The following DCX variants were observed in gnomAD, a reference collection of about 807,000 sequenced individuals.
DCX encodes neuronal migration protein doublecortin.
DCX carries 4 observed loss-of-function variants against 20.9 expected under a neutral mutation model. The observed-to-expected ratio is 0.19, with a 90% CI of 0.09 to 0.44. The LOEUF (loss-of-function observed/expected upper bound fraction) is 0.44, where lower values mean the gene tolerates loss of function less well. Among genes scored for constraint, DCX ranks in the 20% least tolerant of loss-of-function variants. DCX has a pLI of 0.99. For missense variants in DCX, 133 were observed against 296.9 expected (o/e 0.45, Z 4.06); for synonymous variants, 103 against 111.4 (o/e 0.92, Z 0.47).
chrX:111,388,166 A>C (rs1926665590), intron 3 of DCX, among the ~76,000 whole-genome samples: 1 of 111,772 alleles, frequency 8.9e-6, no homozygotes, highest in East Asian at 2.8e-4. Flanking sequence ...CTAACCTCTT[A>C]CAACTTTGGG....
At chrX:111,394,177 C>G (rs1179563851) in intron 3 of DCX, among the ~76,000 whole-genome samples, 1 of 111,593 alleles carries the variant, frequency 9.0e-6, no homozygotes, top group Non-Finnish European at 1.9e-5. Context: ...AATGAAGTAC[C>G]AATATATGCT....
At chrX:111,367,585 C>T (rs1001855047) in intron 3 of DCX, among the ~76,000 whole-genome samples, 1 of 111,721 alleles carries the variant, frequency 9.0e-6, no homozygotes, top group South Asian at 3.8e-4. Context: ...TAACTGAATG[C>T]CTATCCCCTT....
intron 5 of DCX, among the ~76,000 whole-genome samples, chrX:111,314,270 A>G (rs2147598311): frequency 8.9e-6 from 1 of 112,196 alleles, no homozygotes; most frequent in East Asian, 2.8e-4. Flanking sequence ...GCCAGTAGCT[A>G]TGGAGCTCTA....
chrX:111,316,255 C>T (rs770959576), intron 5 of DCX, among the ~76,000 whole-genome samples: 12 of 110,214 alleles, frequency 1.1e-4, no homozygotes, highest in South Asian at 7.9e-4. Context: ...TTTTTTGAGA[C>T]GGAGTCTTGC....
rs886112954 is a variant in DCX, at chrX:111,358,483, G to T, written c.706-25330C>A. Among the ~76,000 whole-genome samples the T allele has an allele frequency of 6.2e-5, 7 of 112,125 alleles. No homozygotes were observed. In the East Asian group the frequency reaches 2.0e-3, roughly 32 times the overall value. ...ATAACCATATTCAAACATTTCCAGA[G>T]TTATCCTGTAGAAGAAGAATTTGCC... is the stretch of plus-strand genomic sequence containing the variant. On this transcript the variant is annotated intron_variant, in intron 3 of 6. Coordinates refer to ENST00000636035, the MANE Select transcript of DCX (RefSeq NM_001195553.2).
At chrX:111,373,786 A>T (rs1326095901) in intron 3 of DCX, among the ~76,000 whole-genome samples, 2 of 111,946 alleles carry the variant, frequency 1.8e-5, no homozygotes, top group African/African-American at 3.2e-5. Flanking sequence ...ATATCTTATT[A>T]TCACAAGAAC....
At position 111,363,315 on chromosome X, in the gene DCX, C is replaced by T. The variant is rs568130911; in HGVS notation, c.706-30162G>A. The stretch of plus-strand genomic sequence containing the variant: ...GGAGGGTGATCAGGCAGAAGATGTC[C>T]CCCAGCCATTGGGGGAAGGGAGGCA... On this transcript the variant is annotated intron_variant, in intron 3 of 6. Transcript: ENST00000636035. 2.2e-3 allele frequency among the ~76,000 whole-genome samples: 245 copies of T among 110,330 alleles called. 1 individual carries two copies. Among genetic ancestry groups the T allele is most frequent in the South Asian group, 0.013 (33 of 2,527 alleles).
intron 3 of DCX, among the ~76,000 whole-genome samples, chrX:111,343,361 G>C (rs1355302220): frequency 2.9e-5 from 3 of 104,722 alleles, no homozygotes; most frequent in African/African-American, 1.1e-4. Flanking sequence ...ACCCTCCCAA[G>C]ACTAAACCAG....
At chrX:111,403,776 C>G (rs1015078995) in intron 2 of DCX, among the ~76,000 whole-genome samples, 1 of 112,006 alleles carries the variant, frequency 8.9e-6, no homozygotes, top group Admixed American at 9.5e-5. Flanking sequence ...CCAGGTGCGA[C>G]GGCTCATGCC....
intron 6 of DCX, among the ~76,000 whole-genome samples, chrX:111,306,084 G>C (rs1385256387): frequency 9.0e-6 from 1 of 111,398 alleles, no homozygotes; most frequent in Non-Finnish European, 1.9e-5. Flanking sequence ...CGCTTTACCA[G>C]TAATTACATT....
At chrX:111,409,567 T>C (rs1379123567) in intron 2 of DCX, among the ~76,000 whole-genome samples, 1 of 111,977 alleles carries the variant, frequency 8.9e-6, no homozygotes, top group Non-Finnish European at 1.9e-5. Flanking sequence ...TCTGTGAATA[T>C]GTCCAGGAAA....
chrX:111,337,497 G>C (rs992034), intron 3 of DCX, among the ~76,000 whole-genome samples: 2 of 111,513 alleles, frequency 1.8e-5, no homozygotes, highest in Admixed American at 1.9e-4. Context: ...ATTACACATG[G>C]GGAAATGGAG....
chrX:111,406,181 T>C, intron 2 of DCX, among the ~76,000 whole-genome samples: 1 of 112,035 alleles, frequency 8.9e-6, no homozygotes, highest in Non-Finnish European at 1.9e-5. Context: ...TAAGTGCTCA[T>C]AAAAGTCATG....
intron 3 of DCX, among the ~76,000 whole-genome samples, chrX:111,363,848 T>C (rs1461268362): frequency 1.8e-5 from 2 of 111,828 alleles, no homozygotes; most frequent in Non-Finnish European, 3.8e-5. Flanking sequence ...ACAGATGTTC[T>C]CAATGAAGAT....
At chrX:111,397,817 GTA>G in intron 3 of DCX, among the ~76,000 whole-genome samples, 1 of 81,633 alleles carries the variant, frequency 1.2e-5, no homozygotes, top group African/African-American at 3.5e-5. Context: ...ATGTGTGTGT[GTA>G]TATATACATA....
intron 6 of DCX, among the ~76,000 whole-genome samples, chrX:111,302,538 G>A (rs1231878254): frequency 8.9e-6 from 1 of 112,108 alleles, no homozygotes. Context: ...TTGCTTTCCA[G>A]TGTGGCTATA....
chrX:111,375,821 T>A (rs1211685820), intron 3 of DCX, among the ~76,000 whole-genome samples: 2 of 112,034 alleles, frequency 1.8e-5, no homozygotes, highest in Non-Finnish European at 3.8e-5. Context: ...ATTCATTAGG[T>A]TTTCTCCATT....
In DCX at chrX:111,382,621, A is replaced by G. The variant is rs756026222; in HGVS notation, c.705+18369T>C. ...CTCAAGCATTGATTTTGTAAAAACA[A>G]CATGTTAAATACTGGAACTGGGGGA... On this transcript the variant is annotated intron_variant, in intron 3 of 6. Coordinates refer to ENST00000636035, the MANE Select transcript of DCX (RefSeq NM_001195553.2). 3.6e-5 allele frequency among the ~76,000 whole-genome samples: 4 copies of G among 111,928 alleles called. No homozygotes were observed. In the East Asian group the frequency reaches 1.1e-3, roughly 32 times the overall value.
At position 111,308,613 on chromosome X, in the gene DCX, G is replaced by C. The variant is rs188427929; in HGVS notation, c.1044+4026C>G. Among the ~76,000 whole-genome samples, 9 of 111,094 alleles carry C rather than the reference G, an allele frequency of 8.1e-5. No individual in the cohort carries two copies. In the East Asian group the frequency reaches 2.5e-3, roughly 31 times the overall value. ...GTTAGTTGCCTTCTGTGATTTAAGG[G>C]TCAGGACCCTACTTTACTCATCAAA... is the stretch of plus-strand genomic sequence containing the variant. On this transcript the variant is annotated intron_variant, in intron 6 of 6. Transcript: ENST00000636035.
Sources: gnomAD v4.1 joint callset for allele counts (sites outside exome capture counted in the v4.1 genomes callset) on GRCh38, gnomAD v4.1.1 for gene constraint, MANE v1.5 for transcripts, NCBI Gene and HGNC (gene_info 2026-07-23, HGNC 2026-07-21) for gene names.